Variants in ANO10 observed in about 807,000 individuals in gnomAD.
ANO10 encodes the protein anoctamin 10, also known as anoctamin-10.
In ANO10, 77 loss-of-function variants were observed where a neutral mutation model predicts 74.7. The observed-to-expected ratio is 1.03, with a 90% CI of 0.86 to 1.25. ANO10 has a LOEUF of 1.25. Ranked by LOEUF, ANO10 falls within the 50% of genes most tolerant of loss-of-function variation. The probability of loss-of-function intolerance (pLI) is 0.00; values close to 1 mark genes in which losing one functional copy is unlikely to be tolerated. For missense variants in ANO10, 721 were observed against 778.1 expected, an observed-to-expected ratio of 0.93 and a Z score of 0.87; for synonymous variants, 279 against 284.9, an observed-to-expected ratio of 0.98 and a Z score of 0.21.
intron 11 of ANO10, among the ~76,000 whole-genome samples, chr3:43,544,653 C>A (rs1405925621): frequency 6.6e-6 from 1 of 151,816 alleles, no homozygotes; most frequent in African/African-American, 2.4e-5. Flanking sequence ...ATTAGCCAAG[C>A]GTGGTGGTGT....
At chr3:43,430,899 A>C (rs1460395459) in intron 12 of ANO10, among the ~76,000 whole-genome samples, 1 of 152,084 alleles carries the variant, frequency 6.6e-6, no homozygotes, top group African/African-American at 2.4e-5. Context: ...TTACCACCTA[A>C]GTTTTTACAT....
At chr3:43,392,625 C>T (rs1506616) in intron 12 of ANO10, among the ~76,000 whole-genome samples, 28,148 of 152,146 alleles carry the variant, frequency 0.19, 3,120 homozygotes, top group Middle Eastern at 0.35. Flanking sequence ...GTGAGTAAAT[C>T]TAAGGGACAA....
At chr3:43,488,560 C>T (rs1230909907) in intron 11 of ANO10, among the ~76,000 whole-genome samples, 8 of 152,092 alleles carry the variant, frequency 5.3e-5, no homozygotes. Context: ...CCAAAAGACA[C>T]ATGAAAAAAT....
intron 4 of ANO10, among the ~76,000 whole-genome samples, chr3:43,583,423 T>C (rs377597306): frequency 6.6e-6 from 1 of 152,242 alleles, no homozygotes; most frequent in Non-Finnish European, 1.5e-5. Context: ...GATATGGCTG[T>C]AATAGCCATT....
intron 11 of ANO10, among the ~76,000 whole-genome samples, chr3:43,436,485 G>T (rs942118419): frequency 6.6e-6 from 1 of 152,114 alleles, no homozygotes; most frequent in South Asian, 2.1e-4. Context: ...CAGTGAAGGT[G>T]GGGGGAGGGT....
chr3:43,474,055 G>C (rs1010624106), intron 11 of ANO10, among the ~76,000 whole-genome samples: 10 of 152,198 alleles, frequency 6.6e-5, no homozygotes, highest in African/African-American at 2.4e-4. Flanking sequence ...GTGTGCAACT[G>C]AGAGAAAGTG....
rs553088647 is a variant in ANO10 at position 43,502,405 on chromosome 3, T to C, written c.1797+47315A>G. On this transcript the variant is annotated intron_variant, in intron 11 of 12. Transcript: ENST00000292246. Reference sequence around the variant, plus strand: ...AGTGACTTCTCGCTCTATTAGTTCCTGCCAGAGCTGGTTGTCAGAAAGAGC... The same window carrying C: ...AGTGACTTCTCGCTCTATTAGTTCCCGCCAGAGCTGGTTGTCAGAAAGAGC... Among the ~76,000 whole-genome samples, 12 of 152,294 alleles carry C rather than the reference T, an allele frequency of 7.9e-5. No individual in the cohort carries two copies. In the South Asian group the frequency reaches 2.5e-3, roughly 32 times the overall value.
intron 4 of ANO10, among the ~76,000 whole-genome samples, chr3:43,590,873 G>A (rs2149446459): frequency 6.6e-6 from 1 of 152,266 alleles, no homozygotes; most frequent in Non-Finnish European, 1.5e-5. Flanking sequence ...AGCTATGAAG[G>A]TGACCACACC....
chr3:43,620,694 G>A (rs979095249), intron 1 of ANO10, among the ~76,000 whole-genome samples: 1 of 152,216 alleles, frequency 6.6e-6, no homozygotes, highest in Admixed American at 6.5e-5. Flanking sequence ...GAACCCGAGA[G>A]GCGGAGGTTG....
chr3:43,511,437 T>C (rs928190647), intron 11 of ANO10, among the ~76,000 whole-genome samples: 3 of 152,210 alleles, frequency 2.0e-5, no homozygotes, highest in African/African-American at 7.2e-5. Flanking sequence ...AACTGTTCCA[T>C]ATTAAATTAA....
chr3:43,677,746 G>C (rs1480001623), intron 1 of ANO10, among the ~76,000 whole-genome samples: 2 of 152,196 alleles, frequency 1.3e-5, no homozygotes, highest in Non-Finnish European at 2.9e-5. Context: ...CACATGGCTA[G>C]CAAGGCTTCC....
chr3:43,438,763 T>C (rs1449787149), intron 11 of ANO10, among the ~76,000 whole-genome samples: 1 of 149,498 alleles, frequency 6.7e-6, no homozygotes, highest in African/African-American at 2.5e-5. Context: ...AAAAAAAAAT[T>C]CACTAATGAG....
rs186254562 is a variant in ANO10 at position 43,608,586 on chromosome 3, T to C, written c.-11-2723A>G. On this transcript the variant is annotated intron_variant, in intron 1 of 12. Transcript: ENST00000292246. ...TGCACATGGCCTTTGTTTTGTTTTG[T>C]TTTGTTTTTAGACAGGGTCTTGCTC... Among the ~76,000 whole-genome samples the C allele has an allele frequency of 5.3e-5, 8 of 152,204 alleles. No homozygotes were observed. The East Asian group carries it at 1.4e-3, about 26-fold the overall frequency.
At chr3:43,644,452 T>C (rs181672820) in intron 1 of ANO10, among the ~76,000 whole-genome samples, 1 of 152,250 alleles carries the variant, frequency 6.6e-6, no homozygotes, top group East Asian at 1.9e-4. Context: ...AGAGTAGAAC[T>C]GCTCCCTCCC....
intron 11 of ANO10, among the ~76,000 whole-genome samples, chr3:43,458,023 T>C (rs534042672): frequency 1.4e-4 from 22 of 152,292 alleles, no homozygotes; most frequent in African/African-American, 5.3e-4. Flanking sequence ...TCCCTTTCAT[T>C]GAGTGACACT....
intron 1 of ANO10, among the ~76,000 whole-genome samples, chr3:43,685,256 G>GTATCCAGGCATTTATCTAA (rs1328904247): frequency 1.3e-5 from 2 of 151,796 alleles, no homozygotes; most frequent in African/African-American, 4.8e-5. Flanking sequence ...TTCTTATCAG[G>GTATCCAGGCATTTATCTAA]TATCCAGGCA....
intron 1 of ANO10, among the ~76,000 whole-genome samples, chr3:43,615,259 A>T (rs1001947411): frequency 6.6e-5 from 10 of 152,152 alleles, no homozygotes; most frequent in Non-Finnish European, 1.3e-4. Context: ...GATTAAATAG[A>T]CTGTCCAATA....
chr3:43,449,881 T>C (rs945054270), intron 11 of ANO10, among the ~76,000 whole-genome samples: 1 of 152,206 alleles, frequency 6.6e-6, no homozygotes, highest in African/African-American at 2.4e-5. Context: ...TGAGAAAAAC[T>C]GACATCTTAA....
chr3:43,494,801 G>A (rs2076857113), intron 11 of ANO10, among the ~76,000 whole-genome samples: 1 of 152,126 alleles, frequency 6.6e-6, no homozygotes, highest in South Asian at 2.1e-4. Context: ...CAGTGAATAC[G>A]TTTTTAGGAG....
Sources: allele counts gnomAD v4.1 joint callset (sites outside exome capture counted in the v4.1 genomes callset), GRCh38; gene constraint gnomAD v4.1.1; transcripts MANE v1.5; gene names NCBI Gene and HGNC (gene_info 2026-07-23, HGNC 2026-07-21).